SLC24A2: variants seen among roughly 807,000 people sequenced by gnomAD.
SLC24A2 encodes the protein solute carrier family 24 member 2.
A neutral mutation model predicts 62.0 loss-of-function variants in SLC24A2; 36 were observed. The observed-to-expected ratio is 0.58, with a 90% CI of 0.44 to 0.77. SLC24A2 has a LOEUF of 0.77. SLC24A2 is among the 30% of genes least tolerant of loss of function. The probability of loss-of-function intolerance (pLI) is 0.00; values close to 1 mark genes in which losing one functional copy is unlikely to be tolerated. For synonymous variants in SLC24A2, 358 were observed against 294.0 expected (o/e 1.22, Z -2.23); for missense variants, 846 against 817.9 (o/e 1.03, Z -0.42).
chr9:19,652,235 A>T (rs986162705), intron 2 of SLC24A2, among the ~76,000 whole-genome samples: 11 of 152,138 alleles, frequency 7.2e-5, no homozygotes, highest in African/African-American at 2.2e-4. Context: ...GGTGAAGATA[A>T]CATTTTAGAA....
chr9:19,531,144 T>A (rs1305634609), intron 8 of SLC24A2, among the ~76,000 whole-genome samples: 2 of 152,246 alleles, frequency 1.3e-5, no homozygotes, highest in African/African-American at 4.8e-5. Flanking sequence ...TTTGGAAGTA[T>A]CAACGTTTCA....
chr9:20,183,448 T>G, the SLC24A2 span, among the ~76,000 whole-genome samples: 37 of 152,346 alleles, frequency 2.4e-4, no homozygotes, highest in South Asian at 8.3e-4. Context: ...TAAACTATAT[T>G]GCTTACTAGC....
intron 7 of SLC24A2, among the ~76,000 whole-genome samples, chr9:19,570,040 T>C (rs1219438770): frequency 6.6e-6 from 1 of 152,240 alleles, no homozygotes; most frequent in African/African-American, 2.4e-5. Flanking sequence ...GGGCCATGTA[T>C]AATCATGTTG....
intron 2 of SLC24A2, among the ~76,000 whole-genome samples, chr9:19,647,358 G>A (rs371852563): frequency 6.6e-6 from 1 of 152,206 alleles, no homozygotes; most frequent in East Asian, 1.9e-4. Flanking sequence ...GGTTTCCTAT[G>A]TCTTCTTCAC....
intron 2 of SLC24A2, among the ~76,000 whole-genome samples, chr9:19,672,697 G>C (rs1819454202): frequency 6.8e-6 from 1 of 146,288 alleles, no homozygotes; most frequent in South Asian, 2.2e-4. Flanking sequence ...TTTTAGCACT[G>C]TCTTTGCTGT....
At chr9:19,984,809 C>T in the SLC24A2 span, among the ~76,000 whole-genome samples, 4 of 152,086 alleles carry the variant, frequency 2.6e-5, no homozygotes, top group African/African-American at 9.7e-5. Context: ...ACAAATGGTC[C>T]TGGGACAACT....
the SLC24A2 span, among the ~76,000 whole-genome samples, chr9:19,908,515 C>T: frequency 1.3e-5 from 2 of 152,132 alleles, no homozygotes; most frequent in African/African-American, 4.8e-5. Context: ...AGCTTCTGCA[C>T]AGCAAAAGAA....
chr9:20,034,646 T>A, the SLC24A2 span, among the ~76,000 whole-genome samples: 2 of 152,048 alleles, frequency 1.3e-5, no homozygotes, highest in African/African-American at 2.4e-5. Context: ...TTTTTTGTAT[T>A]TTTAGTAGAG....
At chr9:19,944,623 TC>T in the SLC24A2 span, among the ~76,000 whole-genome samples, 1 of 152,142 alleles carries the variant, frequency 6.6e-6, no homozygotes, top group African/African-American at 2.4e-5. Flanking sequence ...TTTCCACCAG[TC>T]TTACCCCTTT....
At chr9:20,261,798 G>A in the SLC24A2 span, among the ~76,000 whole-genome samples, 2 of 122,996 alleles carry the variant, frequency 1.6e-5, no homozygotes, top group African/African-American at 6.5e-5. Flanking sequence ...GGAGTGCAGT[G>A]GCACGATCTC....
chr9:20,075,840 C>T, the SLC24A2 span, among the ~76,000 whole-genome samples: 1 of 152,138 alleles, frequency 6.6e-6, no homozygotes. Context: ...AGTCATCCCT[C>T]GGCATCCATG....
At chr9:20,099,335 T>A in the SLC24A2 span, among the ~76,000 whole-genome samples, 6 of 152,344 alleles carry the variant, frequency 3.9e-5, no homozygotes, top group African/African-American at 1.4e-4. Flanking sequence ...AACTCATTCA[T>A]CTGGAAAAGG....
chr9:20,092,660 C>T, the SLC24A2 span, among the ~76,000 whole-genome samples: 6 of 152,278 alleles, frequency 3.9e-5, no homozygotes, highest in African/African-American at 1.4e-4. Flanking sequence ...TATATGGATA[C>T]ATTGTATGCT....
the SLC24A2 span, among the ~76,000 whole-genome samples, chr9:20,055,761 G>A: frequency 6.6e-6 from 1 of 152,182 alleles, no homozygotes; most frequent in East Asian, 1.9e-4. Flanking sequence ...GGTGGTGGGA[G>A]CCTGTAACCC....
intron 8 of SLC24A2, among the ~76,000 whole-genome samples, chr9:19,541,386 T>A (rs1228431561): frequency 6.6e-6 from 1 of 151,922 alleles, no homozygotes; most frequent in African/African-American, 2.4e-5. Context: ...GGGTTTTCGG[T>A]GTAGATGTCC....
At chr9:20,221,660 C>T in the SLC24A2 span, among the ~76,000 whole-genome samples, 1 of 152,036 alleles carries the variant, frequency 6.6e-6, no homozygotes, top group Admixed American at 6.6e-5. Context: ...AAATCCACAA[C>T]TAGATACACT....
chr9:19,652,673 A>T (rs889629212), intron 2 of SLC24A2, among the ~76,000 whole-genome samples: 2 of 152,220 alleles, frequency 1.3e-5, no homozygotes, highest in African/African-American at 4.8e-5. Flanking sequence ...AACATAATCA[A>T]TATGTGTTGT....
At chr9:20,160,860 A>G in the SLC24A2 span, among the ~76,000 whole-genome samples, 2 of 151,102 alleles carry the variant, frequency 1.3e-5, no homozygotes, top group East Asian at 3.9e-4. Context: ...AAACAGAAAA[A>G]AAAAGCCAAA....
chr9:19,642,515 T>C (rs368502000), intron 2 of SLC24A2, among the ~76,000 whole-genome samples: 6 of 152,222 alleles, frequency 3.9e-5, no homozygotes, highest in African/African-American at 1.4e-4. Context: ...AAGCGTATAC[T>C]GTACACTCCT....
Sources: allele counts gnomAD v4.1 joint callset (sites outside exome capture counted in the v4.1 genomes callset), GRCh38; gene constraint gnomAD v4.1.1; transcripts MANE v1.5; gene names NCBI Gene and HGNC (gene_info 2026-07-23, HGNC 2026-07-21).